Variants in CRB1 observed in about 807,000 individuals in gnomAD.
The protein encoded by CRB1 is crumbs cell polarity complex component 1.
Under a neutral mutation model 120.0 loss-of-function variants are expected in CRB1, and 83 were observed. The ratio of observed to expected loss-of-function variants is 0.69; its 90% CI spans 0.58 to 0.83. The LOEUF is 0.83. Among genes scored for constraint, CRB1 ranks in the 40% least tolerant of loss-of-function variants. CRB1 has a pLI of 0.00. For synonymous variants in CRB1, 625 were observed against 612.5 expected (o/e 1.02, Z -0.30); for missense variants, 1,699 against 1,687.6 (o/e 1.01, Z -0.12).
intron 5 of CRB1, among the ~76,000 whole-genome samples, chr1:197,366,762 A>G (rs932354248): frequency 1.3e-5 from 2 of 152,220 alleles, no homozygotes; most frequent in African/African-American, 2.4e-5. Flanking sequence ...TCCAGCCGGT[A>G]AAGCAAGTTA....
At chr1:197,236,195 C>CT in the CRB1 span, among the ~76,000 whole-genome samples, 1,336 of 113,016 alleles carry the variant, frequency 0.012, 31 homozygotes, top group Non-Finnish European at 0.018. Context: ...CTTTTATTTC[C>CT]TTTTTTTTTT....
intron 5 of CRB1, among the ~76,000 whole-genome samples, chr1:197,391,956 T>TG (rs1038084483): frequency 2.6e-5 from 4 of 151,808 alleles, no homozygotes; most frequent in Admixed American, 6.6e-5. Flanking sequence ...AGCTGAAACT[T>TG]GGGGGGCCCA....
intron 2 of CRB1, among the ~76,000 whole-genome samples, chr1:197,333,185 C>T (rs1658963664): frequency 6.6e-6 from 1 of 152,140 alleles, no homozygotes. Context: ...AGAGCTGTAG[C>T]ACATAGAGAG....
chr1:197,475,888 T>C (rs1318499655), intron 11 of CRB1, among the ~76,000 whole-genome samples: 1 of 152,174 alleles, frequency 6.6e-6, no homozygotes, highest in East Asian at 1.9e-4. Flanking sequence ...AGGACTTTTA[T>C]GTCTTCTTGC....
At chr1:197,244,151 A>G in the CRB1 span, among the ~76,000 whole-genome samples, 3 of 152,128 alleles carry the variant, frequency 2.0e-5, no homozygotes, top group African/African-American at 4.8e-5. Flanking sequence ...GTGTCTTTTA[A>G]TTGGGACATT....
rs914128518 is a variant in CRB1, at chr1:197,363,963, C to T, written c.1171+6950C>T. On this transcript the variant is annotated intron_variant, in intron 5 of 11. Coordinates refer to ENST00000367400, the MANE Select transcript of CRB1 (RefSeq NM_201253.3). ...TTCGGCGGTATTATGAGAAGCCATGCGGCCGGCGACAGAGGGAAAGCTATG... is the reference window on the plus strand; with the variant it reads ...TTCGGCGGTATTATGAGAAGCCATGTGGCCGGCGACAGAGGGAAAGCTATG... 3.0e-6 allele frequency: 4 copies of T among 1,341,632 alleles called. No homozygotes were observed. In the African/African-American group the frequency reaches 4.3e-5, roughly 15 times the overall value. 83.1% of individuals were successfully genotyped at this position (1,341,632 alleles called of 1,614,324 possible).
intron 2 of CRB1, among the ~76,000 whole-genome samples, chr1:197,342,552 T>C (rs1385928282): frequency 6.6e-6 from 1 of 152,218 alleles, no homozygotes; most frequent in Non-Finnish European, 1.5e-5. Flanking sequence ...TTTTTCTACA[T>C]TAATTGTTGA....
the CRB1 span, among the ~76,000 whole-genome samples, chr1:197,253,888 A>T: frequency 1.3e-5 from 2 of 151,452 alleles, no homozygotes; most frequent in Non-Finnish European, 2.9e-5. Context: ...CCAACTGAGA[A>T]AAAAAAATCT....
intron 5 of CRB1, among the ~76,000 whole-genome samples, chr1:197,363,078 A>G (rs1317231638): frequency 6.7e-6 from 1 of 148,634 alleles, no homozygotes; most frequent in African/African-American, 2.5e-5. Context: ...ATCACAGCCT[A>G]TTGGTTTCAG....
the CRB1 span, chr1:197,223,399 G>GT: frequency 1.1e-3 from 511 of 479,292 alleles, 4 homozygotes; most frequent in South Asian, 9.1e-3. Flanking sequence ...TGTGCCTATG[G>GT]TTTTTTTTAG....
At chr1:197,252,434 A>G in the CRB1 span, among the ~76,000 whole-genome samples, 2 of 148,076 alleles carry the variant, frequency 1.4e-5, no homozygotes, top group Non-Finnish European at 3.0e-5. Context: ...ATTCCATTTT[A>G]TCCCTCATAC....
the CRB1 span, among the ~76,000 whole-genome samples, chr1:197,255,246 A>T: frequency 1.6e-4 from 24 of 152,146 alleles, no homozygotes; most frequent in African/African-American, 5.5e-4. Context: ...CCACACTTTG[A>T]TGGAAAAATA....
chr1:197,216,365 A>G, the CRB1 span, among the ~76,000 whole-genome samples: 9 of 152,218 alleles, frequency 5.9e-5, no homozygotes, highest in Admixed American at 1.3e-4. Context: ...TTACAGCTGT[A>G]TCCTTAATAA....
At chr1:197,394,259 T>C (rs1426756259) in intron 5 of CRB1, among the ~76,000 whole-genome samples, 2 of 152,152 alleles carry the variant, frequency 1.3e-5, no homozygotes, top group African/African-American at 4.8e-5. Context: ...CAGTATATTG[T>C]CTCTTCCTTA....
At chr1:197,388,784 C>T (rs1265194178) in intron 5 of CRB1, among the ~76,000 whole-genome samples, 1 of 151,976 alleles carries the variant, frequency 6.6e-6, no homozygotes, top group Non-Finnish European at 1.5e-5. Context: ...TTAAATATTA[C>T]TCTTATTAAT....
rs1664764575 is a variant in CRB1 at position 197,429,449 on chromosome 1, T to C, written c.2677T>C (p.Ser893Pro). Residue 893 changes from serine to proline, a missense_variant and splice_region_variant, in exon 8 of 12, where the codon TCC becomes CCC. Coordinates refer to ENST00000367400, the MANE Select transcript of CRB1 (RefSeq NM_201253.3). ...QGCAGDNSCK[S>P]NPCHNGGVCH... ...TACCTTTGATTTCTTTTCTGCTCAG[T>C]CCAACCCCTGTCACAATGGAGGTGT... 5 of 1,613,996 alleles carry C rather than the reference T, an allele frequency of 3.1e-6. No homozygotes were observed. The highest frequency in any genetic ancestry group is 4.2e-6 in the Non-Finnish European group (5 of 1,179,904).
intron 1 of CRB1, 98 bp downstream of exon 1, chr1:197,268,580 A>G (rs1654731502): frequency 4.1e-6 from 4 of 983,822 alleles, no homozygotes; most frequent in Non-Finnish European, 6.4e-6. Context: ...ATAAAATACA[A>G]TGCTAAAAAA....
intron 4 of CRB1, among the ~76,000 whole-genome samples, chr1:197,349,538 T>C (rs534450680): frequency 1.3e-5 from 2 of 152,330 alleles, no homozygotes; most frequent in East Asian, 1.9e-4. Flanking sequence ...CCACTAACTT[T>C]ATTGTCTAAG....
intron 5 of CRB1, among the ~76,000 whole-genome samples, chr1:197,373,562 T>C (rs535961361): frequency 2.0e-5 from 3 of 152,154 alleles, no homozygotes; most frequent in Non-Finnish European, 2.9e-5. Context: ...TACCTAGGAG[T>C]TGGCCAACAG....
Sources: gnomAD v4.1 joint callset for allele counts (sites outside exome capture counted in the v4.1 genomes callset) on GRCh38, gnomAD v4.1.1 for gene constraint, MANE v1.5 for transcripts, NCBI Gene and HGNC (gene_info 2026-07-23, HGNC 2026-07-21) for gene names.